The following SRPK2 variants were observed in gnomAD, a reference collection of about 807,000 sequenced individuals.
The protein encoded by SRPK2 is SRSF protein kinase 2.
Under a neutral mutation model 90.8 loss-of-function variants are expected in SRPK2, and 21 were observed. That is an observed-to-expected ratio of 0.23 (90% confidence interval 0.16 to 0.33). The LOEUF is 0.33. Among genes scored for constraint, SRPK2 ranks in the 10% least tolerant of loss-of-function variants. The pLI, the probability that SRPK2 is intolerant of heterozygous loss-of-function variation, is 1.00. For missense variants in SRPK2, 620 were observed against 869.0 expected (o/e 0.71, Z 3.60); for synonymous variants, 288 against 311.1 (o/e 0.93, Z 0.78).
chr7:105,199,761 A>C (rs986965498), intron 3 of SRPK2, among the ~76,000 whole-genome samples: 1 of 152,190 alleles, frequency 6.6e-6, no homozygotes, highest in African/African-American at 2.4e-5. Flanking sequence ...AAATATATAA[A>C]TAAATATAAA....
At chr7:105,325,551 C>CAAAA (rs34722293) in intron 2 of SRPK2, among the ~76,000 whole-genome samples, 2 of 71,500 alleles carry the variant, frequency 2.8e-5, no homozygotes, top group East Asian at 3.8e-4. Flanking sequence ...TTTCTCAAGG[C>CAAAA]AAAAAAAAAA....
At chr7:105,147,897 T>A (rs1804900909) in intron 7 of SRPK2, among the ~76,000 whole-genome samples, 1 of 152,230 alleles carries the variant, frequency 6.6e-6, no homozygotes, top group Admixed American at 6.5e-5. Context: ...ACATTGTGTT[T>A]ATCCCTTCAC....
At chr7:105,379,078 G>C (rs543640247) in intron 2 of SRPK2, among the ~76,000 whole-genome samples, 30 of 151,910 alleles carry the variant, frequency 2.0e-4, no homozygotes, top group African/African-American at 6.5e-4. Flanking sequence ...GATCATTTGA[G>C]GCCAGGAATT....
intron 2 of SRPK2, among the ~76,000 whole-genome samples, chr7:105,274,671 T>C (rs1322402731): frequency 6.6e-6 from 1 of 150,672 alleles, no homozygotes; most frequent in Non-Finnish European, 1.5e-5. Context: ...ACTCACCAAA[T>C]CACCACATCC....
chr7:105,220,988 C>A (rs1039234789), intron 2 of SRPK2, among the ~76,000 whole-genome samples: 2 of 152,242 alleles, frequency 1.3e-5, no homozygotes, highest in African/African-American at 4.8e-5. Flanking sequence ...TAAATCATTA[C>A]TTCAAAAAAT....
rs2299329 is a variant in SRPK2 at position 105,265,166 on chromosome 7, A to C, written c.72-61381T>G. On this transcript the variant is annotated intron_variant, in intron 2 of 15. Transcript: ENST00000393651. ...AAAAGCACTCAGAACTGGTATCTAG[A>C]CTGTTTAATAAATGATTAGAGTCAG... Among the ~76,000 whole-genome samples the C allele has an allele frequency of 5.1e-3, 776 of 152,208 alleles. 12 individuals carry two copies. In the East Asian group the frequency reaches 0.055, roughly 11 times the overall value.
At chr7:105,249,290 T>TA (rs1382256198) in intron 2 of SRPK2, among the ~76,000 whole-genome samples, 2 of 152,198 alleles carry the variant, frequency 1.3e-5, no homozygotes, top group Non-Finnish European at 2.9e-5. Flanking sequence ...GTCATACACT[T>TA]ACTGGTTTTT....
At chr7:105,118,144 A>G (rs950902754) in intron 15 of SRPK2, 122 bp from the exon 16 acceptor site, 1 of 894,822 alleles carries the variant, frequency 1.1e-6, no homozygotes, top group African/African-American at 1.7e-5. Context: ...TACAGCAACA[A>G]CAAAGAACAC....
chr7:105,257,798 T>G (rs1173354694), intron 2 of SRPK2, among the ~76,000 whole-genome samples: 1 of 152,142 alleles, frequency 6.6e-6, no homozygotes, highest in Non-Finnish European at 1.5e-5. Context: ...GGTTTTACAT[T>G]TATTTTAAGA....
At chr7:105,388,768 A>G (rs991086392) in intron 1 of SRPK2, 23 bp downstream of exon 1, 6 of 1,522,412 alleles carry the variant, frequency 3.9e-6, no homozygotes, top group Non-Finnish European at 1.8e-6. Flanking sequence ...TGGCGGGGAG[A>G]GGGCGCGCCG....
Position 105,244,936 on chromosome 7 carries a change from C to A in SRPK2, c.72-41151G>T, listed in dbSNP as rs1563137253. The A allele has an allele frequency of 5.4e-6, 8 of 1,473,344 alleles. No homozygotes were observed. The South Asian group carries it at 8.2e-5, about 15-fold the overall frequency. The allele number at this position is 1,473,344 out of a possible 1,614,324, so 91.3% of individuals were successfully genotyped here. A position where few individuals can be genotyped will look rare whatever the true frequency, so the allele number is the denominator to read the frequency against. On this transcript the variant is annotated intron_variant, in intron 2 of 15. Coordinates refer to ENST00000393651, the MANE Select transcript of SRPK2 (RefSeq NM_182692.3). The stretch of plus-strand genomic sequence containing the variant: ...CGGGAGGAGCAAAGCAACGTCCTGG[C>A]CGCCATGAGGAAAGCCGCTGCCAAG...
chr7:105,398,194 A>G (rs912588167), intron 1 of SRPK2, among the ~76,000 whole-genome samples: 46 of 152,150 alleles, frequency 3.0e-4, no homozygotes, highest in Non-Finnish European at 2.9e-4. Flanking sequence ...ACATAGTATT[A>G]ATTTTTCCCA....
chr7:105,270,823 C>G (rs1335090620), intron 2 of SRPK2, among the ~76,000 whole-genome samples: 1 of 152,144 alleles, frequency 6.6e-6, no homozygotes, highest in Non-Finnish European at 1.5e-5. Context: ...AAGGCTGTGG[C>G]AAGGATTTAA....
chr7:105,388,905 A>T lies in SRPK2; in HGVS notation c.-99T>A. 2 of 1,225,054 alleles carry T rather than the reference A, an allele frequency of 1.6e-6. No homozygotes were observed. Among genetic ancestry groups the T allele is most frequent in the Non-Finnish European group, 2.0e-6 (2 of 986,308 alleles). 75.9% of individuals were successfully genotyped at this position (1,225,054 alleles called of 1,614,324 possible). A position where few individuals can be genotyped will look rare whatever the true frequency, so the allele number is the denominator to read the frequency against. On this transcript the variant is annotated 5_prime_UTR_variant, in exon 1 of 16. Transcript: ENST00000393651. ...TCCACTCGCTCCGCCGGCCGGGAGG[A>T]GACGAGAACCGCGCCTGCGCCGCCG...
At chr7:105,335,425 A>C (rs1003940037) in intron 2 of SRPK2, among the ~76,000 whole-genome samples, 3 of 149,618 alleles carry the variant, frequency 2.0e-5, no homozygotes, top group African/African-American at 7.4e-5. Flanking sequence ...TTTGGGAGAC[A>C]GAAGCAGGAG....
At chr7:105,159,448 C>CGAAAAA (rs1807102035) in intron 7 of SRPK2, among the ~76,000 whole-genome samples, 1 of 33,144 alleles carries the variant, frequency 3.0e-5, no homozygotes, top group Non-Finnish European at 6.3e-5. Flanking sequence ...ACTCCGTCTC[C>CGAAAAA]AAAAAAAAAA....
At chr7:105,229,897 G>A (rs1459776559) in intron 2 of SRPK2, among the ~76,000 whole-genome samples, 1 of 152,200 alleles carries the variant, frequency 6.6e-6, no homozygotes, top group African/African-American at 2.4e-5. Flanking sequence ...AAAACTGCAC[G>A]ACAGTTTTTA....
intron 2 of SRPK2, among the ~76,000 whole-genome samples, chr7:105,327,320 C>T (rs1239179540): frequency 6.6e-6 from 1 of 152,216 alleles, no homozygotes; most frequent in African/African-American, 2.4e-5. Context: ...GGAACACAAT[C>T]ATGCTCATTT....
At chr7:105,273,036 A>C (rs1806024978) in intron 2 of SRPK2, among the ~76,000 whole-genome samples, 1 of 151,994 alleles carries the variant, frequency 6.6e-6, no homozygotes, top group Non-Finnish European at 1.5e-5. Context: ...TAACATGGTG[A>C]AACTCCGTCT....
Sources: allele counts gnomAD v4.1 joint callset (sites outside exome capture counted in the v4.1 genomes callset), GRCh38; gene constraint gnomAD v4.1.1; transcripts MANE v1.5; gene names NCBI Gene and HGNC (gene_info 2026-07-23, HGNC 2026-07-21).